ALK: variants seen among roughly 807,000 people sequenced by gnomAD.
ALK encodes the protein ALK receptor tyrosine kinase.
In ALK, 74 loss-of-function variants were observed where a neutral mutation model predicts 163.1. That is an observed-to-expected ratio of 0.45 (90% CI 0.38 to 0.55). The LOEUF is 0.55. ALK is among the 20% of genes least tolerant of loss of function. ALK has a pLI of 0.00. For synonymous variants in ALK, 960 were observed against 843.2 expected (o/e 1.14, Z -2.40); for missense variants, 2,063 against 2,105.3 (o/e 0.98, Z 0.39).
At chr2:29,594,618 G>A (rs1340216437) in intron 3 of ALK, among the ~76,000 whole-genome samples, 1 of 151,658 alleles carries the variant, frequency 6.6e-6, no homozygotes, top group Admixed American at 6.6e-5. Flanking sequence ...TAGTAGACAC[G>A]GGGTTTCACC....
chr2:29,210,590 A>G (rs1034066123), intron 24 of ALK, among the ~76,000 whole-genome samples: 1 of 152,028 alleles, frequency 6.6e-6, no homozygotes, highest in Admixed American at 6.6e-5. Context: ...GCAGCACCAC[A>G]CCTGGCTAAT....
chr2:29,584,274 A>C (rs13004389), intron 3 of ALK, among the ~76,000 whole-genome samples: 18,012 of 152,218 alleles, frequency 0.12, 1,356 homozygotes, highest in East Asian at 0.36. Flanking sequence ...ATTACTTGTT[A>C]AACGATGTTC....
At chr2:29,240,306 T>C (rs866241150) in intron 12 of ALK, among the ~76,000 whole-genome samples, 1 of 152,186 alleles carries the variant, frequency 6.6e-6, no homozygotes, top group South Asian at 2.1e-4. Context: ...GTAACTTCCC[T>C]ATTCCTCATC....
At chr2:29,342,356 A>G (rs999040113) in intron 5 of ALK, among the ~76,000 whole-genome samples, 4 of 152,210 alleles carry the variant, frequency 2.6e-5, no homozygotes, top group Non-Finnish European at 5.9e-5. Context: ...CAAAAAGACA[A>G]ATGTGCCATT....
intron 3 of ALK, among the ~76,000 whole-genome samples, chr2:29,545,890 T>C (rs1673539448): frequency 6.6e-6 from 1 of 152,178 alleles, no homozygotes; most frequent in Admixed American, 6.5e-5. Flanking sequence ...AGCCTAGAAG[T>C]AGTAGTACAA....
chr2:29,323,153 G>A (rs1667126700), intron 6 of ALK, among the ~76,000 whole-genome samples: 1 of 152,214 alleles, frequency 6.6e-6, no homozygotes, highest in African/African-American at 2.4e-5. Flanking sequence ...CAGTATTAGT[G>A]TCTATTTTAC....
intron 1 of ALK, among the ~76,000 whole-genome samples, chr2:29,827,239 C>T (rs561494169): frequency 2.0e-5 from 3 of 152,210 alleles, no homozygotes; most frequent in African/African-American, 7.2e-5. Flanking sequence ...GAAGTGAAGG[C>T]CTTTAAGATT....
At chr2:29,710,495 T>TGTGC (rs1158187749) in intron 2 of ALK, among the ~76,000 whole-genome samples, 13 of 101,764 alleles carry the variant, frequency 1.3e-4, no homozygotes, top group Admixed American at 2.1e-4. Context: ...CCTCAGTCTG[T>TGTGC]GTGCGTGTGT....
chr2:29,456,387 G>A (rs1279930512), intron 4 of ALK, among the ~76,000 whole-genome samples: 1 of 152,048 alleles, frequency 6.6e-6, no homozygotes, highest in African/African-American at 2.4e-5. Flanking sequence ...CAGCCTTAAA[G>A]AGGAAAAAAA....
intron 5 of ALK, among the ~76,000 whole-genome samples, chr2:29,382,000 T>C (rs1187151553): frequency 6.6e-6 from 1 of 152,234 alleles, no homozygotes; most frequent in Admixed American, 6.5e-5. Flanking sequence ...CCATCCCTTG[T>C]TGACCACAGG....
At chr2:29,464,803 A>G (rs548338633) in intron 4 of ALK, among the ~76,000 whole-genome samples, 1 of 152,258 alleles carries the variant, frequency 6.6e-6, no homozygotes, top group Non-Finnish European at 1.5e-5. Flanking sequence ...CTCCCCCAAC[A>G]AAGTATTAAC....
chr2:29,714,031 C>T (rs1413377586), intron 2 of ALK, among the ~76,000 whole-genome samples: 1 of 152,020 alleles, frequency 6.6e-6, no homozygotes, highest in Non-Finnish European at 1.5e-5. Flanking sequence ...CCTTTCAAAA[C>T]CCCCGGTGGC....
intron 1 of ALK, among the ~76,000 whole-genome samples, chr2:29,882,125 T>C (rs533341463): frequency 6.6e-6 from 1 of 152,214 alleles, no homozygotes; most frequent in South Asian, 2.1e-4. Context: ...AAGCTGGCCA[T>C]GAAAAGGTTG....
chr2:29,852,138 G>A (rs574075211), intron 1 of ALK, among the ~76,000 whole-genome samples: 130 of 152,302 alleles, frequency 8.5e-4, no homozygotes, highest in South Asian at 1.9e-3. Flanking sequence ...CCCCTATGTA[G>A]CGTTTATCCA....
At chr2:29,545,695 C>T (rs1429483614) in intron 3 of ALK, among the ~76,000 whole-genome samples, 5 of 152,172 alleles carry the variant, frequency 3.3e-5, no homozygotes, top group Non-Finnish European at 7.4e-5. Context: ...TACTCTCCAC[C>T]ACCAGGACTT....
At chr2:29,368,697 T>TA (rs1188316090) in intron 5 of ALK, among the ~76,000 whole-genome samples, 3 of 152,186 alleles carry the variant, frequency 2.0e-5, no homozygotes, top group African/African-American at 7.2e-5. Flanking sequence ...TGGGAAGTGG[T>TA]AAGACCTCAT....
chr2:29,764,079 C>T (rs753065715), intron 1 of ALK, among the ~76,000 whole-genome samples: 2 of 152,180 alleles, frequency 1.3e-5, no homozygotes, highest in African/African-American at 2.4e-5. Flanking sequence ...AACCAGAATC[C>T]AGATTTCCTT....
chr2:29,607,030 A>G (rs1675559869), intron 3 of ALK, among the ~76,000 whole-genome samples: 6 of 152,224 alleles, frequency 3.9e-5, no homozygotes, highest in Admixed American at 3.3e-4. Flanking sequence ...ACCTATCAGC[A>G]TTCCACAGAG....
chr2:29,211,790 A>T (rs1669473580), intron 24 of ALK, among the ~76,000 whole-genome samples: 1 of 118,822 alleles, frequency 8.4e-6, no homozygotes, highest in South Asian at 2.7e-4. Flanking sequence ...TTTCTGCCAG[A>T]AGTTTTCTTT....
Sources: gnomAD v4.1 joint callset for allele counts (sites outside exome capture counted in the v4.1 genomes callset) on GRCh38, gnomAD v4.1.1 for gene constraint, MANE v1.5 for transcripts, NCBI Gene and HGNC (gene_info 2026-07-23, HGNC 2026-07-21) for gene names.